SUGCT: variants seen among roughly 807,000 people sequenced by gnomAD.
SUGCT encodes succinyl-CoA:glutarate-CoA transferase, also known as succinyl-CoA:glutarate CoA-transferase.
SUGCT carries 41 observed loss-of-function variants against 55.0 expected under a neutral mutation model. The observed-to-expected ratio is 0.74, with a 90% CI of 0.58 to 0.97. The LOEUF (loss-of-function observed/expected upper bound fraction) is 0.97. Among genes scored for constraint, SUGCT ranks in the 50% least tolerant of loss-of-function variants. The pLI, the probability that SUGCT is intolerant of heterozygous loss-of-function variation, is 0.00. For missense variants in SUGCT, 568 were observed against 547.8 expected (o/e 1.04, Z -0.37); for synonymous variants, 187 against 200.4 (o/e 0.93, Z 0.56).
chr7:40,181,085 TA>T lies in SUGCT; in HGVS notation c.152+88del, dbSNP rs374062836. On this transcript the variant is annotated intron_variant, in intron 2 of 13. Coordinates refer to ENST00000335693, the MANE Select transcript of SUGCT (RefSeq NM_001193313.2). ...ATTTTTTGAATTATAAGAAGAGACT[TA>T]TATGCTTATGTTGAAATTTTAGAGA... The T allele has an allele frequency of 1.5e-3, 1,415 of 913,656 alleles. 27 individuals are homozygous for T. In the South Asian group the frequency reaches 0.02, roughly 13 times the overall value. 56.6% of individuals were successfully genotyped at this position (913,656 alleles called of 1,614,324 possible).
At chr7:40,801,451 T>A (rs925814399) in intron 13 of SUGCT, among the ~76,000 whole-genome samples, 4 of 152,194 alleles carry the variant, frequency 2.6e-5, no homozygotes, top group African/African-American at 9.7e-5. Context: ...CCTAACATCT[T>A]GCCAACCAGG....
chr7:40,898,485 G>T, the SUGCT span, among the ~76,000 whole-genome samples: 8 of 99,110 alleles, frequency 8.1e-5, no homozygotes, highest in African/African-American at 1.9e-4. Flanking sequence ...GAGGTCGGGG[G>T]GGGGGGGGGG....
chr7:40,154,577 A>G (rs1783788022), intron 1 of SUGCT, among the ~76,000 whole-genome samples: 1 of 152,076 alleles, frequency 6.6e-6, no homozygotes, highest in Admixed American at 6.6e-5. Context: ...TCCTGGGCTC[A>G]AGCAATCCTC....
At chr7:40,558,341 A>G (rs1420710855) in intron 12 of SUGCT, among the ~76,000 whole-genome samples, 1 of 152,226 alleles carries the variant, frequency 6.6e-6, no homozygotes, top group Non-Finnish European at 1.5e-5. Flanking sequence ...CGTTAGTCAC[A>G]ATAGCCAAAA....
chr7:40,585,131 G>A (rs1005053355), intron 12 of SUGCT, among the ~76,000 whole-genome samples: 1 of 152,136 alleles, frequency 6.6e-6, no homozygotes, highest in African/African-American at 2.4e-5. Context: ...CTGTAGTGGG[G>A]AAAATGGGGA....
At chr7:40,516,159 GA>G (rs34369172) in intron 12 of SUGCT, among the ~76,000 whole-genome samples, 5 of 151,764 alleles carry the variant, frequency 3.3e-5, no homozygotes, top group Admixed American at 1.3e-4. Context: ...TGTCTGCTTT[GA>G]AAAAAAGTCT....
At chr7:40,671,634 A>G (rs1801945000) in intron 12 of SUGCT, among the ~76,000 whole-genome samples, 2 of 152,294 alleles carry the variant, frequency 1.3e-5, no homozygotes, top group Middle Eastern at 3.4e-3. Flanking sequence ...GATAAAAATG[A>G]AATAGATGTA....
chr7:40,716,026 T>C (rs905160867), intron 12 of SUGCT, among the ~76,000 whole-genome samples: 3 of 152,254 alleles, frequency 2.0e-5, no homozygotes, highest in South Asian at 4.1e-4. Flanking sequence ...TCTTTAGTGC[T>C]AAGCACAGAC....
chr7:40,693,910 T>G (rs1353037574), intron 12 of SUGCT, among the ~76,000 whole-genome samples: 2 of 152,224 alleles, frequency 1.3e-5, no homozygotes, highest in African/African-American at 4.8e-5. Context: ...CACAAAACAC[T>G]GTCCCGCCCT....
chr7:40,287,912 C>T (rs183969595), intron 8 of SUGCT, among the ~76,000 whole-genome samples: 1 of 151,986 alleles, frequency 6.6e-6, no homozygotes, highest in Admixed American at 6.6e-5. Flanking sequence ...TGACTATTGA[C>T]ATGATGATTT....
At chr7:40,731,579 T>C (rs1297606650) in intron 12 of SUGCT, among the ~76,000 whole-genome samples, 1 of 152,110 alleles carries the variant, frequency 6.6e-6, no homozygotes, top group African/African-American at 2.4e-5. Context: ...GAGGATAGCA[T>C]GAATCTGCAT....
chr7:40,838,984 C>G (rs1470856443), intron 13 of SUGCT, among the ~76,000 whole-genome samples: 4 of 143,274 alleles, frequency 2.8e-5, no homozygotes, highest in African/African-American at 1.0e-4. Flanking sequence ...TGTATTACAT[C>G]TAATACCTTT....
chr7:40,644,410 C>T (rs568485742), intron 12 of SUGCT, among the ~76,000 whole-genome samples: 1 of 152,222 alleles, frequency 6.6e-6, no homozygotes, highest in Non-Finnish European at 1.5e-5. Context: ...CCACTCACTA[C>T]TGATCATGCT....
intron 11 of SUGCT, among the ~76,000 whole-genome samples, chr7:40,480,016 A>G (rs1790935579): frequency 6.6e-6 from 1 of 151,946 alleles, no homozygotes; most frequent in African/African-American, 2.4e-5. Context: ...GAGACTTTTT[A>G]GTTTGATATA....
intron 1 of SUGCT, among the ~76,000 whole-genome samples, chr7:40,156,211 C>A (rs558962525): frequency 6.6e-6 from 1 of 152,038 alleles, no homozygotes; most frequent in South Asian, 2.1e-4. Flanking sequence ...CACCTATAAT[C>A]CCAGAACTTT....
chr7:40,260,296 A>G (rs1402873002), intron 7 of SUGCT, among the ~76,000 whole-genome samples: 1 of 152,178 alleles, frequency 6.6e-6, no homozygotes, highest in Non-Finnish European at 1.5e-5. Context: ...GAATTGAGAG[A>G]GAATCTTTGG....
At chr7:40,759,801 G>A (rs2128719775) in intron 13 of SUGCT, among the ~76,000 whole-genome samples, 1 of 151,614 alleles carries the variant, frequency 6.6e-6, no homozygotes, top group South Asian at 2.1e-4. Context: ...CCTGTTTTGG[G>A]ATTACCTATT....
intron 13 of SUGCT, among the ~76,000 whole-genome samples, chr7:40,852,378 A>G (rs1165476318): frequency 6.6e-6 from 1 of 152,082 alleles, no homozygotes; most frequent in Admixed American, 6.6e-5. Context: ...CTTATGATCT[A>G]CCCACAACAA....
At chr7:40,993,743 C>A in the SUGCT span, among the ~76,000 whole-genome samples, 1 of 152,158 alleles carries the variant, frequency 6.6e-6, no homozygotes, top group African/African-American at 2.4e-5. Flanking sequence ...GTTGGAAGAA[C>A]TGGATGCCGC....
Sources: gnomAD v4.1 joint callset for allele counts (sites outside exome capture counted in the v4.1 genomes callset) on GRCh38, gnomAD v4.1.1 for gene constraint, MANE v1.5 for transcripts, NCBI Gene and HGNC (gene_info 2026-07-23, HGNC 2026-07-21) for gene names.